Variants in PIK3C2B observed in about 807,000 individuals in gnomAD.
The protein encoded by PIK3C2B is phosphatidylinositol 4-phosphate 3-kinase C2 domain-containing subunit beta.
A neutral mutation model predicts 184.3 loss-of-function variants in PIK3C2B; 83 were observed. The observed-to-expected ratio is 0.45, with a 90% CI of 0.38 to 0.54. The LOEUF (loss-of-function observed/expected upper bound fraction) is 0.54. Among genes scored for constraint, PIK3C2B ranks in the 20% least tolerant of loss-of-function variants. The pLI, the probability that PIK3C2B is intolerant of heterozygous loss-of-function variation, is 0.00. For synonymous variants in PIK3C2B, 779 were observed against 837.6 expected (o/e 0.93, Z 1.21); for missense variants, 1,736 against 2,113.5 (o/e 0.82, Z 3.50).
chr1:204,460,120 G>T (rs138145994), intron 7 of PIK3C2B, among the ~76,000 whole-genome samples, 179 bp from the exon 8 acceptor site: 3 of 152,184 alleles, frequency 2.0e-5, no homozygotes, highest in African/African-American at 4.8e-5. Context: ...GCCACTTCTC[G>T]CCTGGAGAGA....
chr1:204,458,886 G>A (rs540326822), intron 8 of PIK3C2B, among the ~76,000 whole-genome samples: 139 of 152,276 alleles, frequency 9.1e-4, no homozygotes, highest in Non-Finnish European at 1.4e-3. Context: ...AGCTTCCCCC[G>A]CATCACTGGA....
chr1:204,435,053 C>T (rs1340517149), intron 23 of PIK3C2B, among the ~76,000 whole-genome samples: 1 of 152,202 alleles, frequency 6.6e-6, no homozygotes, highest in African/African-American at 2.4e-5. Flanking sequence ...CTTCCTGACC[C>T]TGCTCAGAAT....
At position 204,425,026 on chromosome 1, in the gene PIK3C2B, C is replaced by G; in HGVS notation, c.4731G>C (p.Gly1577=). 1.2e-6 allele frequency: 2 copies of G among 1,613,526 alleles called. No individual in the cohort carries two copies. The highest frequency in any genetic ancestry group is 1.7e-6 in the Non-Finnish European group (2 of 1,179,644). The change falls in exon 33 of 33, where the codon GGG becomes GGC. Residue 1577 remains glycine (G), a synonymous_variant. Transcript: ENST00000684373. Reference sequence around the variant, plus strand: ...GCTGCTGCAGGTCACCCTTGGGGATCCCATCATATACCAACTGCAAACATA... The same window carrying G: ...GCTGCTGCAGGTCACCCTTGGGGATGCCATCATATACCAACTGCAAACATA... ...PTYNEMLVYD[G]IPKGDLQQRE...
At position 204,424,530 on chromosome 1, in the gene PIK3C2B, G is replaced by A; in HGVS notation, c.*322C>T. 5.7e-6 allele frequency: 1 copy of A among 174,136 alleles called. No homozygotes were observed. Among genetic ancestry groups the A allele is most frequent in the Non-Finnish European group, 1.1e-5 (1 of 93,962 alleles). 10.8% of individuals were successfully genotyped at this position (174,136 alleles called of 1,614,324 possible). A position where few individuals can be genotyped will look rare whatever the true frequency, so the allele number is the denominator to read the frequency against. The stretch of plus-strand genomic sequence containing the variant: ...ATATCCACCCACCCACCCCCAAAAT[G>A]CTACTTCATACAGCCCACCCCACAC... On this transcript the variant is annotated 3_prime_UTR_variant, in exon 33 of 33. Transcript: ENST00000684373.
At chr1:204,468,765 A>G in intron 2 of PIK3C2B, 105 bp downstream of exon 2, 1 of 1,046,174 alleles carries the variant, frequency 9.6e-7, no homozygotes, top group Middle Eastern at 2.1e-4. Flanking sequence ...AGAGGCCTAA[A>G]GGGGTAAGGA....
intron 23 of PIK3C2B, among the ~76,000 whole-genome samples, chr1:204,437,211 A>G (rs1188433563): frequency 6.6e-6 from 1 of 151,916 alleles, no homozygotes; most frequent in Non-Finnish European, 1.5e-5. Context: ...AAAAAAAACA[A>G]CAGCTGGGCA....
rs1654198670 is a variant in PIK3C2B, at chr1:204,449,854, T to G, written c.2230A>C (p.Arg744=). 6.2e-7 allele frequency: 1 copy of G among 1,608,166 alleles called. No homozygotes were observed. The highest frequency in any genetic ancestry group is 8.5e-7 in the Non-Finnish European group (1 of 1,177,120). ...GWVTTPLFNF[R]QVLTCGRKLL... is the part of the protein sequence containing the mutation. ...TGTACCCTGGGGCTCACATACTGCC[T>G]GAAGTTGAAGAGTGGGGTAGTGACC... The change falls in exon 13 of 33, where the codon AGG becomes CGG. Residue 744 remains arginine, a synonymous_variant. Coordinates refer to ENST00000684373, the MANE Select transcript of PIK3C2B (RefSeq NM_001377334.1).
chr1:204,432,503 T>C, intron 26 of PIK3C2B, 102 bp from the exon 27 acceptor site: 1 of 827,086 alleles, frequency 1.2e-6, no homozygotes, highest in East Asian at 2.6e-5. Flanking sequence ...AGACTAACAA[T>C]CAGCTCAGAT....
intron 14 of PIK3C2B, among the ~76,000 whole-genome samples, 200 bp downstream of exon 14, chr1:204,448,984 AG>A (rs1162223255): frequency 6.6e-6 from 1 of 152,190 alleles, no homozygotes; most frequent in East Asian, 1.9e-4. Flanking sequence ...AACCTCCAGG[AG>A]ATGGGAGATG....
chr1:204,456,645 C>T (rs1330760956), intron 10 of PIK3C2B, among the ~76,000 whole-genome samples: 2 of 152,028 alleles, frequency 1.3e-5, no homozygotes, highest in African/African-American at 2.4e-5. Context: ...CACTCTAAAT[C>T]GGAAAGGTAG....
chr1:204,434,294 G>T, intron 24 of PIK3C2B, 145 bp downstream of exon 24: 1 of 713,678 alleles, frequency 1.4e-6, no homozygotes, highest in Non-Finnish European at 2.4e-6. Flanking sequence ...CTCTTTATCC[G>T]TCTTCTCTCC....
intron 3 of PIK3C2B, 47 bp downstream of exon 3, chr1:204,465,172 C>CCAACCCCCA: frequency 1.7e-5 from 14 of 820,620 alleles, no homozygotes; most frequent in East Asian, 3.0e-5. Context: ...CCCCCCTCCC[C>CCAACCCCCA]ATCCCCCATA....
At chr1:204,488,018 T>C (rs959241218) in intron 1 of PIK3C2B, among the ~76,000 whole-genome samples, 1 of 152,242 alleles carries the variant, frequency 6.6e-6, no homozygotes, top group Admixed American at 6.5e-5. Context: ...TCTAAGTAGT[T>C]CATTAATTAA....
Position 204,433,988 on chromosome 1 carries a change from G to A in PIK3C2B, c.3687-39C>T. On this transcript the variant is annotated intron_variant, in intron 24 of 32. Transcript: ENST00000684373. The surrounding 1 kb of genome is among the most constrained non-coding windows in gnomAD (Gnocchi z 5.0). ...AACATACAGGTAGAAGGTCAACATG[G>A]AGGAGGAAGCCCACCATATGGGCTG... The A allele has an allele frequency of 6.3e-7, 1 of 1,583,390 alleles. No individual in the cohort carries two copies. Among genetic ancestry groups the A allele is most frequent in the South Asian group, 1.1e-5 (1 of 90,274 alleles).
chr1:204,441,440 G>C, intron 21 of PIK3C2B, 31 bp downstream of exon 21: 1 of 1,468,828 alleles, frequency 6.8e-7, no homozygotes, highest in South Asian at 1.1e-5. Flanking sequence ...CTCCCACCCT[G>C]GTCCACCAGG....
rs752189751 is a variant in PIK3C2B at position 204,445,947 on chromosome 1, A to G, written c.2678+9T>C. ...CACATAGTCAGAAAAGGCAGATGTT[A>G]CAACTCACGTGGCATGCAGGAGCCC... On this transcript the variant is annotated intron_variant, in intron 16 of 32. Coordinates refer to ENST00000684373, the MANE Select transcript of PIK3C2B (RefSeq NM_001377334.1). 6 of 1,497,322 alleles carry G rather than the reference A, an allele frequency of 4.0e-6. No individual in the cohort carries two copies. In the South Asian group the frequency reaches 8.0e-5, roughly 20 times the overall value. The allele number at this position is 1,497,322 out of a possible 1,614,324, so 92.8% of individuals were successfully genotyped here.
chr1:204,432,302 G>A lies in PIK3C2B; in HGVS notation c.4053C>T (p.Thr1351=), dbSNP rs1211405180. Reference sequence around the variant, plus strand: ...TGTGTGTTCGGGAGGCAAAGGAGAGGGTCAGCCGGTCATCTGAGCCCGTGA... The same window carrying A: ...TGTGTGTTCGGGAGGCAAAGGAGAGAGTCAGCCGGTCATCTGAGCCCGTGA... ...MKFTGSDDRL[T]LSFASRTHTL... Residue 1351 remains threonine (T), a synonymous_variant, in exon 27 of 33, where the codon ACC becomes ACT. Coordinates refer to ENST00000684373, the MANE Select transcript of PIK3C2B (RefSeq NM_001377334.1). 6.2e-7 allele frequency: 1 copy of A among 1,614,084 alleles called. No individual in the cohort carries two copies. Among genetic ancestry groups the A allele is most frequent in the South Asian group, 1.1e-5 (1 of 91,078 alleles).
chr1:204,475,906 A>G (rs1056087832), intron 1 of PIK3C2B, among the ~76,000 whole-genome samples: 3 of 151,998 alleles, frequency 2.0e-5, no homozygotes, highest in African/African-American at 7.3e-5. Context: ...GACAGATCTC[A>G]TGCCCAGGGC....
intron 24 of PIK3C2B, 26 bp downstream of exon 24, chr1:204,434,413 C>T (rs1025427248): frequency 7.4e-6 from 12 of 1,611,296 alleles, no homozygotes; most frequent in Non-Finnish European, 1.0e-5. Context: ...CCTTCACTCA[C>T]AATCTGGCTT....
Sources: allele counts gnomAD v4.1 joint callset (sites outside exome capture counted in the v4.1 genomes callset), GRCh38; gene constraint gnomAD v4.1.1; non-coding constraint Gnocchi (gnomAD v3.1); transcripts MANE v1.5; gene names NCBI Gene and HGNC (gene_info 2026-07-23, HGNC 2026-07-21).